LIN52: variants seen among roughly 807,000 people sequenced by gnomAD.
LIN52 encodes protein lin-52 homolog.
Under a neutral mutation model 18.5 loss-of-function variants are expected in LIN52, and 4 were observed. The ratio of observed to expected loss-of-function variants is 0.22; its 90% CI spans 0.11 to 0.49. The LOEUF (loss-of-function observed/expected upper bound fraction) is 0.49. Ranked by LOEUF, LIN52 falls within the 20% of genes least tolerant of loss-of-function variation. LIN52 has a pLI of 0.97. For missense variants in LIN52, 102 were observed against 139.5 expected (o/e 0.73, Z 1.35); for synonymous variants, 34 against 45.5 (o/e 0.75, Z 1.02).
chr14:74,131,508 C>T (rs372969070), intron 5 of LIN52, among the ~76,000 whole-genome samples: 1 of 151,830 alleles, frequency 6.6e-6, no homozygotes, highest in East Asian at 1.9e-4. Context: ...TTAGTAGAGA[C>T]GGGATTTCAC....
intron 5 of LIN52, among the ~76,000 whole-genome samples, chr14:74,193,560 T>C (rs1469517600): frequency 6.6e-6 from 1 of 152,238 alleles, no homozygotes; most frequent in Admixed American, 6.5e-5. Context: ...AGGGATAAGT[T>C]ACTCTAAAAG....
At chr14:74,135,497 A>G (rs2061092226) in intron 5 of LIN52, among the ~76,000 whole-genome samples, 1 of 152,228 alleles carries the variant, frequency 6.6e-6, no homozygotes, top group South Asian at 2.1e-4. Context: ...TGATTTCTCC[A>G]TAAGTTCTCG....
chr14:74,140,097 AAT>A (rs1719171259), intron 5 of LIN52, among the ~76,000 whole-genome samples: 1 of 152,214 alleles, frequency 6.6e-6, no homozygotes, highest in African/African-American at 2.4e-5. Flanking sequence ...AAAACACAAA[AAT>A]AGATTCACTT....
chr14:74,100,368 T>C (rs974905163), intron 4 of LIN52, among the ~76,000 whole-genome samples: 2 of 152,202 alleles, frequency 1.3e-5, no homozygotes, highest in Non-Finnish European at 2.9e-5. Context: ...AGTGCAGTGG[T>C]GCCATCATGG....
At chr14:74,114,528 G>C in intron 5 of LIN52, 3 of 652,684 alleles carry the variant, frequency 4.6e-6, no homozygotes, top group African/African-American at 2.0e-5. Context: ...GCTGAAATTA[G>C]AGCTTACCAT....
chr14:74,092,889 C>G (rs929237060), intron 2 of LIN52, among the ~76,000 whole-genome samples: 1 of 151,606 alleles, frequency 6.6e-6, no homozygotes, highest in Non-Finnish European at 1.5e-5. Flanking sequence ...TGCACTCGAG[C>G]CTGGGCAACA....
At chr14:74,111,645 TTTA>T (rs1159074573) in intron 5 of LIN52, among the ~76,000 whole-genome samples, 2 of 149,070 alleles carry the variant, frequency 1.3e-5, no homozygotes, top group Admixed American at 6.7e-5. Context: ...TATTTATTTA[TTTA>T]TTTTTGTGGG....
intron 5 of LIN52, among the ~76,000 whole-genome samples, chr14:74,144,708 T>C (rs774942764): frequency 6.6e-6 from 1 of 152,212 alleles, no homozygotes; most frequent in Non-Finnish European, 1.5e-5. Flanking sequence ...GTATCATTTT[T>C]CCTCTAAAAT....
chr14:74,110,938 C>A (rs577299136), intron 5 of LIN52, among the ~76,000 whole-genome samples: 3 of 151,824 alleles, frequency 2.0e-5, no homozygotes, highest in African/African-American at 7.2e-5. Flanking sequence ...TGCACTCCAG[C>A]CTGGGTGACA....
chr14:74,177,743 G>A (rs534337518), intron 5 of LIN52, among the ~76,000 whole-genome samples: 75 of 152,238 alleles, frequency 4.9e-4, no homozygotes, highest in Middle Eastern at 3.4e-3. Context: ...ACAGCAATTG[G>A]TCATACCTCT....
chr14:74,150,141 G>C (rs766312833), intron 5 of LIN52, among the ~76,000 whole-genome samples: 148 of 152,286 alleles, frequency 9.7e-4, no homozygotes, highest in Middle Eastern at 3.4e-3. Flanking sequence ...CTATGCCTCA[G>C]TAATTTTTAT....
chr14:74,114,384 A>G, intron 5 of LIN52: 1 of 985,510 alleles, frequency 1.0e-6, no homozygotes, highest in Non-Finnish European at 1.2e-6. Context: ...TTACAGTGGG[A>G]ATCCAGGGTG....
At chr14:74,145,287 T>C (rs1180323297) in intron 5 of LIN52, among the ~76,000 whole-genome samples, 1 of 152,240 alleles carries the variant, frequency 6.6e-6, no homozygotes, top group East Asian at 1.9e-4. Context: ...TGAGTCTTAT[T>C]GTTTTTTCAG....
chr14:74,134,444 C>T (rs958680292), intron 5 of LIN52, among the ~76,000 whole-genome samples: 11 of 152,038 alleles, frequency 7.2e-5, no homozygotes, highest in African/African-American at 2.7e-4. Flanking sequence ...ATCAAATGAC[C>T]TCCTAGGATA....
chr14:74,116,711 A>T (rs2060966669), intron 5 of LIN52, among the ~76,000 whole-genome samples: 1 of 147,058 alleles, frequency 6.8e-6, no homozygotes, highest in South Asian at 2.1e-4. Flanking sequence ...TATGTCTCTA[A>T]AAAAAAAAAA....
intron 5 of LIN52, among the ~76,000 whole-genome samples, chr14:74,148,562 G>A (rs893408425): frequency 2.6e-5 from 4 of 152,068 alleles, no homozygotes; most frequent in Non-Finnish European, 5.9e-5. Flanking sequence ...GGATATAAAC[G>A]AACAACAACA....
intron 5 of LIN52, among the ~76,000 whole-genome samples, chr14:74,115,576 C>T (rs1035247724): frequency 2.6e-5 from 4 of 152,122 alleles, no homozygotes; most frequent in Non-Finnish European, 4.4e-5. Context: ...TAGCTTTGCA[C>T]CTATTTAGGT....
At position 74,096,129 on chromosome 14, in the gene LIN52, C is replaced by T. The variant is rs1019803338; in HGVS notation, c.132+144C>T. 2.1e-5 allele frequency: 11 copies of T among 512,796 alleles called. No homozygotes were observed. The East Asian group carries it at 2.5e-4, about 11-fold the overall frequency. The allele number at this position is 512,796 out of a possible 1,614,324, so 31.8% of individuals were successfully genotyped here. ...AGGCTGGAGTGCAGTGGTACGATCT[C>T]GGCTCACTGCAACTTCCACTTACCA... is the stretch of plus-strand genomic sequence containing the variant. On this transcript the variant is annotated intron_variant, in intron 3 of 5. Coordinates refer to ENST00000555028, the MANE Select transcript of LIN52 (RefSeq NM_001024674.3).
At chr14:74,105,254 T>C (rs1400200994) in intron 5 of LIN52, among the ~76,000 whole-genome samples, 1 of 151,800 alleles carries the variant, frequency 6.6e-6, no homozygotes, top group Non-Finnish European at 1.5e-5. Context: ...GCTTTGGGGG[T>C]GGGGGTTTGA....
Sources: allele counts gnomAD v4.1 joint callset (sites outside exome capture counted in the v4.1 genomes callset), GRCh38; gene constraint gnomAD v4.1.1; transcripts MANE v1.5; gene names NCBI Gene and HGNC (gene_info 2026-07-23, HGNC 2026-07-21).